PCDHGB5: variants seen among roughly 807,000 people sequenced by gnomAD.
PCDHGB5 encodes protocadherin gamma-B5.
PCDHGB5 carries 48 observed loss-of-function variants against 62.9 expected under a neutral mutation model. The ratio of observed to expected loss-of-function variants is 0.76; its 90% CI spans 0.61 to 0.97. PCDHGB5 has a LOEUF of 0.97. Among genes scored for constraint, PCDHGB5 ranks in the 50% least tolerant of loss-of-function variants. The pLI, the probability that PCDHGB5 is intolerant of heterozygous loss-of-function variation, is 0.00. For synonymous variants in PCDHGB5, 474 were observed against 511.2 expected (o/e 0.93, Z 0.98); for missense variants, 1,118 against 1,198.6 (o/e 0.93, Z 0.99).
At chr5:141,461,757 G>A (rs2099022119) in intron 1 of PCDHGB5, among the ~76,000 whole-genome samples, 1 of 151,994 alleles carries the variant, frequency 6.6e-6, no homozygotes, top group Non-Finnish European at 1.5e-5. Context: ...AGATTCAAGC[G>A]ATTCTCCTGC....
At chr5:141,436,211 C>T (rs12108692) in intron 1 of PCDHGB5, among the ~76,000 whole-genome samples, 2,997 of 152,100 alleles carry the variant, frequency 0.02, 43 homozygotes, top group African/African-American at 0.029. Flanking sequence ...AATAGGAAAA[C>T]AAATGACTTG....
intron 1 of PCDHGB5, chr5:141,404,708 T>C: frequency 6.2e-7 from 1 of 1,614,064 alleles, no homozygotes; most frequent in Non-Finnish European, 8.5e-7. Context: ...AGAGCCTGGC[T>C]ACCTGGTGAC....
chr5:141,452,378 T>C (rs1227738942), intron 1 of PCDHGB5, among the ~76,000 whole-genome samples: 1 of 152,226 alleles, frequency 6.6e-6, no homozygotes, highest in African/African-American at 2.4e-5. Context: ...TAGTAGGGAA[T>C]AGTATTTAGA....
At chr5:141,403,582 G>T in intron 1 of PCDHGB5, 1 of 1,613,910 alleles carries the variant, frequency 6.2e-7, no homozygotes. Context: ...CCCACCACCT[G>T]GTCCTCACGG....
chr5:141,505,494 A>G lies in PCDHGB5; in HGVS notation c.2545+13A>G. ...GCGTCCGCCAGTGGTAAGTGGTGTC[A>G]GTGTGTGTATGGAAGAGTGGGAGAC... is the stretch of plus-strand genomic sequence containing the variant. On this transcript the variant is annotated intron_variant, in intron 3 of 3. Transcript: ENST00000617380. The G allele has an allele frequency of 6.8e-6, 11 of 1,614,198 alleles. No homozygotes were observed. Among genetic ancestry groups the G allele is most frequent in the Non-Finnish European group, 9.3e-6 (11 of 1,180,006 alleles).
chr5:141,432,560 A>C lies in PCDHGB5; in HGVS notation c.2397+32036A>C. The C allele has an allele frequency of 2.5e-6, 4 of 1,613,600 alleles. No individual in the cohort carries two copies. Among genetic ancestry groups the C allele is most frequent in the Non-Finnish European group, 3.4e-6 (4 of 1,179,962 alleles). ...GGCGGTGGACAGAGACTCCGGCCAG[A>C]ACGCCTGGCTGTCCTACCGTCTGCT... On this transcript the variant is annotated intron_variant, in intron 1 of 3. Transcript: ENST00000617380. The surrounding 1 kb of genome is among the most constrained non-coding windows in gnomAD (Gnocchi z 6.0).
intron 1 of PCDHGB5, among the ~76,000 whole-genome samples, chr5:141,437,331 A>G (rs2097876062): frequency 6.6e-6 from 1 of 152,244 alleles, no homozygotes; most frequent in Non-Finnish European, 1.5e-5. Context: ...TAAAATTTGT[A>G]GCTTCACTGT....
At chr5:141,457,715 CA>C (rs2098928510) in intron 1 of PCDHGB5, among the ~76,000 whole-genome samples, 2 of 152,212 alleles carry the variant, frequency 1.3e-5, no homozygotes, top group Non-Finnish European at 2.9e-5. Flanking sequence ...CACTGTTCCA[CA>C]AGGAATTTCA....
At chr5:141,404,661 A>G (rs930319561) in intron 1 of PCDHGB5, 1 of 1,614,098 alleles carries the variant, frequency 6.2e-7, no homozygotes. Context: ...CTCCCCACTG[A>G]TGGTTCTACT....
rs1272109802 is a variant in PCDHGB5 at position 141,403,110 on chromosome 5, C to G, written c.2397+2586C>G. The G allele has an allele frequency of 6.2e-7, 1 of 1,614,084 alleles. No individual in the cohort carries two copies. The highest frequency in any genetic ancestry group is 1.7e-5 in the Admixed American group (1 of 60,032). The stretch of plus-strand genomic sequence containing the variant: ...GTGGGCAACATCTCCAAGGACCTGG[C>G]TCTGGAGCCCCGGGAGCTGGCGGAG... On this transcript the variant is annotated intron_variant, in intron 1 of 3. Transcript: ENST00000617380.
At chr5:141,475,979 C>A in intron 1 of PCDHGB5, 1 of 1,020,182 alleles carries the variant, frequency 9.8e-7, no homozygotes, top group Non-Finnish European at 1.4e-6. Flanking sequence ...GACTGAACAG[C>A]CGGCGAGCAA....
Position 141,398,689 on chromosome 5 carries a change from G to A in PCDHGB5, c.562G>A (p.Gly188Ser), listed in dbSNP as rs6867460. ...ATTAATAATTAAGGAGAAACAGGAT[G>A]GTAGTAAATACCCGGAACTGGCACT... ...FSLIIKEKQD[G>S]SKYPELALEK... The change falls in exon 1 of 4, where the codon GGT becomes AGT. Residue 188 changes from glycine to serine, a missense_variant. By Grantham distance (56) the Gly-to-Ser change is moderately conservative. Around this residue, in one of 2 missense-constraint regions of PCDHGB5, gnomAD observed 1,034 missense variants for 1,029.1 expected, o/e 1.00. Transcript: ENST00000617380. 0.14 allele frequency: 228,699 copies of A among 1,613,720 alleles called. 18,438 individuals are homozygous for A. The highest frequency in any genetic ancestry group is 0.32 in the African/African-American group (24,148 of 74,960).
At chr5:141,417,050 C>T (rs1420453271) in intron 1 of PCDHGB5, 3 of 151,552 alleles carry the variant, frequency 2.0e-5, no homozygotes, top group Non-Finnish European at 4.4e-5. Flanking sequence ...AAAAAAACTG[C>T]TCTTGACATT....
At chr5:141,415,655 T>C (rs780357843) in intron 1 of PCDHGB5, 50 of 1,586,718 alleles carry the variant, frequency 3.2e-5, no homozygotes, top group Non-Finnish European at 4.0e-5. Flanking sequence ...AAAAAAAAGA[T>C]TGGTTTTTAC....
chr5:141,474,291 AGT>A (rs1191263215), intron 1 of PCDHGB5, among the ~76,000 whole-genome samples: 1 of 152,210 alleles, frequency 6.6e-6, no homozygotes, highest in Admixed American at 6.5e-5. Flanking sequence ...CCACTAGATC[AGT>A]GCTTGTCAAA....
intron 1 of PCDHGB5, chr5:141,427,758 A>T: frequency 7.4e-7 from 1 of 1,345,378 alleles, no homozygotes; most frequent in Non-Finnish European, 1.1e-6. Context: ...CATCGTTACC[A>T]CTGACTTGGA....
chr5:141,475,297 T>C lies in PCDHGB5; in HGVS notation c.2398-19510T>C, dbSNP rs187277570. Among the ~76,000 whole-genome samples the C allele has an allele frequency of 6.5e-4, 99 of 152,360 alleles. 2 individuals are homozygous for C. Among genetic ancestry groups the C allele is most frequent in the African/African-American group, 2.3e-3 (96 of 41,586 alleles). ...TGAAAGACAGGGTAGGGAAATTTCT[T>C]ATTGCTCCCTGGTTCTTAAGAAATG... On this transcript the variant is annotated intron_variant, in intron 1 of 3. Transcript: ENST00000617380.
At chr5:141,478,832 G>A in intron 1 of PCDHGB5, 1 of 1,435,464 alleles carries the variant, frequency 7.0e-7, no homozygotes, top group South Asian at 1.5e-5. Context: ...TCTTGCTAAG[G>A]GATGGTTAAG....
In PCDHGB5 at chr5:141,431,450, A is replaced by G; in HGVS notation, c.2397+30926A>G. 2 of 1,613,740 alleles carry G rather than the reference A, an allele frequency of 1.2e-6. No individual in the cohort carries two copies. Among genetic ancestry groups the G allele is most frequent in the South Asian group, 1.1e-5 (1 of 91,082 alleles). Reference sequence around the variant, plus strand: ...CACAGGCACCGCGCGCATCCGCGTGATGGTTCTGGATGCGAACGACAACGC... The same window carrying G: ...CACAGGCACCGCGCGCATCCGCGTGGTGGTTCTGGATGCGAACGACAACGC... On this transcript the variant is annotated intron_variant, in intron 1 of 3. Coordinates refer to ENST00000617380, the MANE Select transcript of PCDHGB5 (RefSeq NM_018925.3). The surrounding 1 kb of genome is among the most constrained non-coding windows in gnomAD (Gnocchi z 4.8).
Sources: allele counts gnomAD v4.1 joint callset (sites outside exome capture counted in the v4.1 genomes callset), GRCh38; gene constraint gnomAD v4.1.1; regional missense constraint gnomAD v4.1.1; non-coding constraint Gnocchi (gnomAD v3.1); transcripts MANE v1.5; gene names NCBI Gene and HGNC (gene_info 2026-07-23, HGNC 2026-07-21).